Variants in IQCH observed in about 807,000 individuals in gnomAD.
The protein encoded by IQCH is IQ domain-containing protein H.
IQCH carries 98 observed loss-of-function variants against 117.0 expected under a neutral mutation model. The ratio of observed to expected loss-of-function variants is 0.84; its 90% CI spans 0.71 to 0.99. The LOEUF (loss-of-function observed/expected upper bound fraction) is 0.99, where lower values mean the gene tolerates loss of function less well. IQCH is among the 50% of genes least tolerant of loss of function. The pLI is 0.00. For missense variants in IQCH, 1,102 were observed against 1,243.8 expected (o/e 0.89, Z 1.72); for synonymous variants, 412 against 448.2 (o/e 0.92, Z 1.02).
chr15:67,434,190 A>G (rs568815973), intron 16 of IQCH, among the ~76,000 whole-genome samples: 3 of 152,158 alleles, frequency 2.0e-5, no homozygotes, highest in Non-Finnish European at 4.4e-5. Flanking sequence ...GAATTCATTC[A>G]TCTTATAACT....
Position 67,395,200 on chromosome 15 carries a change from T to C in IQCH, c.1633-91T>C, listed in dbSNP as rs534772361. 16 of 1,331,196 alleles carry C rather than the reference T, an allele frequency of 1.2e-5. No homozygotes were observed. Among genetic ancestry groups the C allele is most frequent in the Non-Finnish European group, 1.6e-5 (16 of 970,394 alleles). 82.5% of individuals were successfully genotyped at this position (1,331,196 alleles called of 1,614,324 possible). On this transcript the variant is annotated intron_variant, in intron 12 of 20. Transcript: ENST00000335894. The surrounding 1 kb of genome is among the most constrained non-coding windows in gnomAD (Gnocchi z 4.0). ...AGGTCATAACCCAGCCTGCTATTAA[T>C]AATGTATTTATTATGTGCAACATTA...
At chr15:67,264,838 C>G (rs1965602956) in intron 3 of IQCH, among the ~76,000 whole-genome samples, 1 of 150,628 alleles carries the variant, frequency 6.6e-6, no homozygotes, top group Admixed American at 6.6e-5. Flanking sequence ...AGCTCACTCG[C>G]TCTCTCTCTC....
intron 4 of IQCH, among the ~76,000 whole-genome samples, chr15:67,328,959 C>G (rs1407595405): frequency 6.6e-6 from 1 of 152,040 alleles, no homozygotes; most frequent in Non-Finnish European, 1.5e-5. Context: ...TACTAGTTAC[C>G]CACAGTGGTC....
chr15:67,328,938 C>G (rs1318371467), intron 4 of IQCH, among the ~76,000 whole-genome samples: 1 of 152,190 alleles, frequency 6.6e-6, no homozygotes, highest in African/African-American at 2.4e-5. Context: ...TGCTCTACTC[C>G]TTCCTCTGGA....
chr15:67,379,770 G>A (rs188760360), intron 10 of IQCH, among the ~76,000 whole-genome samples: 29 of 152,138 alleles, frequency 1.9e-4, no homozygotes, highest in South Asian at 2.1e-4. Context: ...TTCACCTTCC[G>A]CCATGATTGT....
rs1205257256 is a variant in IQCH at position 67,466,500 on chromosome 15, C to T, written c.2676+1203C>T. The T allele has an allele frequency of 1.3e-5, 2 of 152,202 alleles. No homozygotes were observed. The highest frequency in any genetic ancestry group is 4.8e-5 in the African/African-American group (2 of 41,432). 9.4% of individuals were successfully genotyped at this position (152,202 alleles called of 1,614,324 possible). On this transcript the variant is annotated intron_variant, in intron 17 of 20. Transcript: ENST00000335894. The surrounding 1 kb of genome is among the most constrained non-coding windows in gnomAD (Gnocchi z 4.4). ...ATGAGTGTCCCAGAGATACCTTTTC[C>T]AAGCGGTCTCCTGCCTCTCTGTGAA... is the stretch of plus-strand genomic sequence containing the variant.
chr15:67,372,710 T>A lies in IQCH; in HGVS notation c.1305+48T>A, dbSNP rs573599779. The A allele has an allele frequency of 1.2e-5, 18 of 1,495,488 alleles. No individual in the cohort carries two copies. In the South Asian group the frequency reaches 2.4e-4, roughly 20 times the overall value. The allele number at this position is 1,495,488 out of a possible 1,614,324, so 92.6% of individuals were successfully genotyped here. A position where few individuals can be genotyped will look rare whatever the true frequency, so the allele number is the denominator to read the frequency against. ...AAGGCAGACCTCTTTTTCTAAACAT[T>A]TCGTGCTTGAGCGGTTGTAATAAGT... On this transcript the variant is annotated intron_variant, in intron 9 of 20. Coordinates refer to ENST00000335894, the MANE Select transcript of IQCH (RefSeq NM_001031715.3).
intron 6 of IQCH, among the ~76,000 whole-genome samples, chr15:67,355,399 A>G (rs1969849349): frequency 6.6e-6 from 1 of 152,004 alleles, no homozygotes; most frequent in South Asian, 2.1e-4. Flanking sequence ...AGCCTGTCGA[A>G]CACAGTGAAA....
At chr15:67,312,719 T>C (rs998003993) in intron 4 of IQCH, among the ~76,000 whole-genome samples, 5 of 152,176 alleles carry the variant, frequency 3.3e-5, no homozygotes, top group Admixed American at 1.3e-4. Flanking sequence ...GTAAGTGTTC[T>C]GTTTAAAATG....
chr15:67,448,261 A>C (rs1044015765), intron 16 of IQCH, among the ~76,000 whole-genome samples: 1 of 152,006 alleles, frequency 6.6e-6, no homozygotes, highest in Non-Finnish European at 1.5e-5. Context: ...TTTAGGGTAC[A>C]TGTGCACAAC....
intron 4 of IQCH, among the ~76,000 whole-genome samples, chr15:67,305,686 A>G (rs1030432581): frequency 6.6e-6 from 1 of 152,078 alleles, no homozygotes; most frequent in African/African-American, 2.4e-5. Context: ...AGCCCGAGGC[A>G]ACTGCTGTGT....
At chr15:67,303,395 A>G (rs937426339) in intron 4 of IQCH, among the ~76,000 whole-genome samples, 16 of 152,140 alleles carry the variant, frequency 1.1e-4, no homozygotes, top group African/African-American at 3.6e-4. Context: ...AAACCACTGA[A>G]TTGTACACTT....
At chr15:67,282,262 A>T (rs151120330) in intron 4 of IQCH, 2 of 152,300 alleles carry the variant, frequency 1.3e-5, no homozygotes, top group East Asian at 3.9e-4. Context: ...CAGACCAGAG[A>T]TTAGATGGAG....
At chr15:67,470,645 A>C (rs1000839425) in intron 17 of IQCH, among the ~76,000 whole-genome samples, 3 of 152,248 alleles carry the variant, frequency 2.0e-5, no homozygotes, top group Non-Finnish European at 4.4e-5. Flanking sequence ...ACACACTAAA[A>C]ATATGCATGA....
chr15:67,297,589 A>G (rs1966861539), intron 4 of IQCH, among the ~76,000 whole-genome samples: 1 of 152,112 alleles, frequency 6.6e-6, no homozygotes. Context: ...CTTTCCCTCC[A>G]TCATGCCGAA....
chr15:67,332,580 A>G (rs1175698968), intron 4 of IQCH, among the ~76,000 whole-genome samples: 1 of 152,186 alleles, frequency 6.6e-6, no homozygotes, highest in East Asian at 1.9e-4. Context: ...TGAGCACTGG[A>G]CCCATTTATA....
chr15:67,322,585 C>T (rs1444362194), intron 4 of IQCH, among the ~76,000 whole-genome samples: 1 of 152,180 alleles, frequency 6.6e-6, no homozygotes, highest in Non-Finnish European at 1.5e-5. Flanking sequence ...GGGCCTTGCT[C>T]AGCCCTGGGC....
chr15:67,421,640 TACAGTACA>T, intron 16 of IQCH, 63 bp downstream of exon 16: 1 of 1,522,682 alleles, frequency 6.6e-7, no homozygotes, highest in Non-Finnish European at 9.0e-7. Flanking sequence ...CCTACACACC[TACAGTACA>T]ACAGGGCATA....
At chr15:67,320,604 TC>T (rs1968070316) in intron 4 of IQCH, among the ~76,000 whole-genome samples, 2 of 152,186 alleles carry the variant, frequency 1.3e-5, no homozygotes, top group Admixed American at 1.3e-4. Flanking sequence ...CCTGAATTCC[TC>T]AGAAAATTCT....
Sources: allele counts gnomAD v4.1 joint callset (sites outside exome capture counted in the v4.1 genomes callset), GRCh38; gene constraint gnomAD v4.1.1; non-coding constraint Gnocchi (gnomAD v3.1); transcripts MANE v1.5; gene names NCBI Gene and HGNC (gene_info 2026-07-23, HGNC 2026-07-21).